The following MDGA2 variants were observed in gnomAD, a reference collection of about 807,000 sequenced individuals.
MDGA2 encodes the protein MAM domain-containing glycosylphosphatidylinositol anchor protein 2.
Under a neutral mutation model 117.8 loss-of-function variants are expected in MDGA2, and 40 were observed. The ratio of observed to expected loss-of-function variants is 0.34; its 90% CI spans 0.26 to 0.44. MDGA2 has a LOEUF of 0.44. MDGA2 is among the 20% of genes least tolerant of loss of function. The pLI, the probability that MDGA2 is intolerant of heterozygous loss-of-function variation, is 1.00. For synonymous variants in MDGA2, 452 were observed against 439.0 expected (o/e 1.03, Z -0.37); for missense variants, 1,123 against 1,250.6 (o/e 0.90, Z 1.54).
chr14:46,875,385 G>A (rs938004012), intron 12 of MDGA2, among the ~76,000 whole-genome samples: 6 of 151,504 alleles, frequency 4.0e-5, no homozygotes, highest in Admixed American at 4.0e-4. Context: ...TTTATGTTTT[G>A]TTTTTGTTTT....
At chr14:46,932,135 A>G (rs1884603849) in intron 9 of MDGA2, among the ~76,000 whole-genome samples, 1 of 152,098 alleles carries the variant, frequency 6.6e-6, no homozygotes, top group Admixed American at 6.6e-5. Flanking sequence ...CATTTCCTTT[A>G]TTAATATGTG....
At position 47,160,315 on chromosome 14, in the gene MDGA2, C is replaced by T. The variant is rs551087290; in HGVS notation, c.596-16041G>A. ...CCTGTCCCAGTCCCTTGCTGCTATT[C>T]TATTTCGGGCTTTTTTGGTTATTCT... On this transcript the variant is annotated intron_variant, in intron 3 of 16. Coordinates refer to ENST00000399232, the MANE Select transcript of MDGA2 (RefSeq NM_001113498.3). Among the ~76,000 whole-genome samples the T allele has an allele frequency of 1.1e-4, 16 of 152,252 alleles. 1 individual carries two copies. Among genetic ancestry groups the T allele is most frequent in the Middle Eastern group, 3.4e-3 (1 of 294 alleles).
intron 1 of MDGA2, among the ~76,000 whole-genome samples, chr14:47,615,361 T>G (rs756060314): frequency 5.9e-5 from 9 of 152,072 alleles, no homozygotes; most frequent in Non-Finnish European, 1.3e-4. Flanking sequence ...ATATTAAGAG[T>G]AATTCCAGTT....
At chr14:47,463,264 C>A (rs1295857781) in intron 1 of MDGA2, among the ~76,000 whole-genome samples, 1 of 152,128 alleles carries the variant, frequency 6.6e-6, no homozygotes, top group South Asian at 2.1e-4. Flanking sequence ...TAGCTATCTA[C>A]AATTTCCTGC....
intron 1 of MDGA2, among the ~76,000 whole-genome samples, chr14:47,468,732 A>T (rs946819384): frequency 6.6e-6 from 1 of 152,088 alleles, no homozygotes. Context: ...GAAATTTTTT[A>T]AAGTATATTT....
intron 1 of MDGA2, among the ~76,000 whole-genome samples, chr14:47,606,680 A>G (rs1896749392): frequency 1.3e-5 from 2 of 152,142 alleles, no homozygotes; most frequent in South Asian, 4.1e-4. Context: ...CCTACAGTGC[A>G]CAGTATACTT....
At chr14:47,001,570 C>A (rs1197471587) in intron 8 of MDGA2, among the ~76,000 whole-genome samples, 2 of 151,954 alleles carry the variant, frequency 1.3e-5, no homozygotes, top group African/African-American at 4.8e-5. Context: ...AAGAAAGGAA[C>A]TAATAAATGG....
chr14:47,098,711 T>C (rs977863839), intron 5 of MDGA2, among the ~76,000 whole-genome samples: 4 of 151,932 alleles, frequency 2.6e-5, no homozygotes, highest in Non-Finnish European at 4.4e-5. Context: ...GATTAAAATA[T>C]AGAGATCTCA....
intron 1 of MDGA2, among the ~76,000 whole-genome samples, chr14:47,518,112 T>C (rs1196801249): frequency 1.3e-5 from 2 of 152,096 alleles, no homozygotes; most frequent in African/African-American, 4.8e-5. Flanking sequence ...ACTGGGCATG[T>C]ATATGTATAT....
intron 7 of MDGA2, among the ~76,000 whole-genome samples, chr14:47,051,940 A>T (rs1889473110): frequency 6.6e-6 from 1 of 151,906 alleles, no homozygotes; most frequent in South Asian, 2.1e-4. Context: ...CTCCTCTAAT[A>T]AAAAACTTCA....
At chr14:47,355,851 A>T (rs919677327) in intron 1 of MDGA2, among the ~76,000 whole-genome samples, 3 of 152,208 alleles carry the variant, frequency 2.0e-5, no homozygotes, top group African/African-American at 7.2e-5. Context: ...CTCAGAAGCT[A>T]GGAGGCAGAT....
chr14:47,061,020 C>T (rs980069278), intron 7 of MDGA2, among the ~76,000 whole-genome samples: 4 of 151,818 alleles, frequency 2.6e-5, no homozygotes, highest in Non-Finnish European at 5.9e-5. Context: ...TTAGTCAATG[C>T]TATTAATTTT....
intron 1 of MDGA2, among the ~76,000 whole-genome samples, chr14:47,373,317 A>T (rs1891406461): frequency 6.6e-6 from 1 of 152,070 alleles, no homozygotes; most frequent in African/African-American, 2.4e-5. Context: ...AATATCTGTG[A>T]TCCTAGGTAT....
chr14:46,848,018 G>A (rs1029301026), intron 15 of MDGA2, among the ~76,000 whole-genome samples: 1 of 151,956 alleles, frequency 6.6e-6, no homozygotes, highest in African/African-American at 2.4e-5. Context: ...CTTGTAGAGT[G>A]CAATACAGGG....
chr14:47,655,091 A>G (rs1363799183), intron 1 of MDGA2, among the ~76,000 whole-genome samples: 2 of 152,134 alleles, frequency 1.3e-5, no homozygotes, highest in South Asian at 2.1e-4. Context: ...TGTGCCCTCC[A>G]TTTTATTCAC....
At chr14:46,876,105 G>T (rs962699939) in intron 12 of MDGA2, among the ~76,000 whole-genome samples, 2 of 151,314 alleles carry the variant, frequency 1.3e-5, no homozygotes, top group African/African-American at 4.8e-5. Context: ...ATTTTATATG[G>T]TGTAAGTTGT....
chr14:47,104,770 G>C (rs548148058), intron 5 of MDGA2, among the ~76,000 whole-genome samples: 1 of 152,046 alleles, frequency 6.6e-6, no homozygotes, highest in South Asian at 2.1e-4. Context: ...ATCCACCTAC[G>C]ACCTCAGGTC....
intron 1 of MDGA2, among the ~76,000 whole-genome samples, chr14:47,373,463 T>A (rs896362620): frequency 1.3e-5 from 2 of 152,114 alleles, no homozygotes; most frequent in Non-Finnish European, 2.9e-5. Context: ...TAATGAAATA[T>A]TTTTGGTAAT....
chr14:47,667,734 C>T (rs1433753619), intron 1 of MDGA2, among the ~76,000 whole-genome samples: 1 of 152,228 alleles, frequency 6.6e-6, no homozygotes, highest in African/African-American at 2.4e-5. Context: ...TGAACAAACC[C>T]TTCCTCTTTC....
Sources: allele counts gnomAD v4.1 joint callset (sites outside exome capture counted in the v4.1 genomes callset), GRCh38; gene constraint gnomAD v4.1.1; transcripts MANE v1.5; gene names NCBI Gene and HGNC (gene_info 2026-07-23, HGNC 2026-07-21).